Variants in SMYD3 observed in about 807,000 individuals in gnomAD.
SMYD3 encodes the protein SET and MYND domain containing 3.
In SMYD3, 36 loss-of-function variants were observed where a neutral mutation model predicts 57.7. The observed-to-expected ratio is 0.62, with a 90% CI of 0.48 to 0.82. The LOEUF (loss-of-function observed/expected upper bound fraction) is 0.82, where lower values mean the gene tolerates loss of function less well. Among genes scored for constraint, SMYD3 ranks in the 40% least tolerant of loss-of-function variants. The pLI, the probability that SMYD3 is intolerant of heterozygous loss-of-function variation, is 0.00. For missense variants in SMYD3, 515 were observed against 538.8 expected (o/e 0.96, Z 0.44); for synonymous variants, 211 against 195.0 (o/e 1.08, Z -0.68).
At chr1:246,222,619 C>T (rs1424865106) in intron 5 of SMYD3, among the ~76,000 whole-genome samples, 1 of 152,120 alleles carries the variant, frequency 6.6e-6, no homozygotes, top group South Asian at 2.1e-4. Context: ...TTTATGAAAT[C>T]CTCCTTGATA....
chr1:246,458,269 G>A (rs572660050), intron 1 of SMYD3, among the ~76,000 whole-genome samples: 1 of 152,140 alleles, frequency 6.6e-6, no homozygotes, highest in East Asian at 1.9e-4. Context: ...AAGTATTCAG[G>A]TCTTCCATCT....
At chr1:246,282,100 A>G (rs967967376) in intron 5 of SMYD3, among the ~76,000 whole-genome samples, 2 of 152,088 alleles carry the variant, frequency 1.3e-5, no homozygotes, top group African/African-American at 4.8e-5. Context: ...AAATATGTAT[A>G]CTTTACTTAT....
At chr1:246,130,707 T>C (rs2061574237) in intron 5 of SMYD3, among the ~76,000 whole-genome samples, 1 of 152,224 alleles carries the variant, frequency 6.6e-6, no homozygotes, top group Admixed American at 6.5e-5. Flanking sequence ...TCTGACCTTT[T>C]TGTAAGAGAC....
At chr1:246,457,620 A>C (rs1558473820) in intron 1 of SMYD3, among the ~76,000 whole-genome samples, 1 of 152,186 alleles carries the variant, frequency 6.6e-6, no homozygotes, top group Non-Finnish European at 1.5e-5. Context: ...CATGGCCTAT[A>C]CAGCCTTTCT....
intron 5 of SMYD3, among the ~76,000 whole-genome samples, chr1:245,934,848 G>A (rs993499806): frequency 9.2e-5 from 14 of 152,178 alleles, no homozygotes; most frequent in African/African-American, 3.4e-4. Flanking sequence ...TTTTACCAGG[G>A]AGCATGCTGT....
chr1:246,347,089 C>G lies in SMYD3; in HGVS notation c.228+7942G>C, dbSNP rs1161454747. ...GTAGCTGGAGAGAAGAATCTCTGAG[C>G]TGAAATTATCTCAATATGGTAACCA... On this transcript the variant is annotated intron_variant, in intron 2 of 11. Transcript: ENST00000490107. 2.0e-5 allele frequency among the ~76,000 whole-genome samples: 3 copies of G among 151,682 alleles called. No individual in the cohort carries two copies. In the East Asian group the frequency reaches 5.8e-4, roughly 29 times the overall value.
chr1:246,439,706 G>A (rs1037298948), intron 1 of SMYD3, among the ~76,000 whole-genome samples: 12 of 152,000 alleles, frequency 7.9e-5, no homozygotes, highest in African/African-American at 2.2e-4. Flanking sequence ...TAAGTACTCT[G>A]GTAGGCGGGG....
At chr1:246,330,066 C>A (rs1464949411) in intron 4 of SMYD3, among the ~76,000 whole-genome samples, 1 of 152,176 alleles carries the variant, frequency 6.6e-6, no homozygotes, top group African/African-American at 2.4e-5. Context: ...TCTGTTCCTT[C>A]TACCTTCCTT....
chr1:246,254,159 T>A (rs1188627227), intron 5 of SMYD3, among the ~76,000 whole-genome samples: 1 of 152,202 alleles, frequency 6.6e-6, no homozygotes, highest in Non-Finnish European at 1.5e-5. Flanking sequence ...TTTAATTAGG[T>A]CCCACCAGTC....
rs1164274725 is a variant in SMYD3 at position 246,248,808 on chromosome 1, A to ATTT, written c.531+78390_531+78392dup. Among the ~76,000 whole-genome samples, 74 of 90,420 alleles carry ATTT rather than the reference A, an allele frequency of 8.2e-4. 3 individuals carry two copies. The East Asian group carries it at 0.018, about 22-fold the overall frequency. The allele number at this position is 90,420 out of a possible 152,430, so 59.3% of individuals were successfully genotyped here. A position where few individuals can be genotyped will look rare whatever the true frequency, so the allele number is the denominator to read the frequency against. On this transcript the variant is annotated intron_variant, in intron 5 of 11. Coordinates refer to ENST00000490107, the MANE Select transcript of SMYD3 (RefSeq NM_001167740.2). ...AGGCGCCCGCCACCATGCCCGGCTA[A>ATTT]TTTTTTTTTTTTTTTTTTTTTGTAT...
intron 1 of SMYD3, 59 bp downstream of exon 1, chr1:246,506,995 C>CCCCCCCCCCCCA: frequency 1.2e-6 from 1 of 825,152 alleles, no homozygotes; most frequent in Non-Finnish European, 1.6e-6. Context: ...CGACGCCCCC[C>CCCCCCCCCCCCA]CCTCCCCAGC....
intron 5 of SMYD3, among the ~76,000 whole-genome samples, chr1:246,292,265 T>G (rs1428214812): frequency 6.6e-6 from 1 of 151,832 alleles, no homozygotes; most frequent in Non-Finnish European, 1.5e-5. Flanking sequence ...GCCTTAGACT[T>G]ACTATCCAAC....
Position 246,507,258 on chromosome 1 carries a change from A to G in SMYD3, c.-41T>C. 2 of 1,456,490 alleles carry G rather than the reference A, an allele frequency of 1.4e-6. No homozygotes were observed. Among genetic ancestry groups the G allele is most frequent in the East Asian group, 2.9e-5 (1 of 34,232 alleles). 90.2% of individuals were successfully genotyped at this position (1,456,490 alleles called of 1,614,324 possible). ...GCACCTCAGACGGCTACCCGCGTCC[A>G]GCAGCGGGCGTCTCACGGGCTGCCG... On this transcript the variant is annotated 5_prime_UTR_variant, in exon 1 of 12. Coordinates refer to ENST00000490107, the MANE Select transcript of SMYD3 (RefSeq NM_001167740.2).
At chr1:246,294,969 C>T (rs2064764986) in intron 5 of SMYD3, among the ~76,000 whole-genome samples, 3 of 152,120 alleles carry the variant, frequency 2.0e-5, no homozygotes, top group Admixed American at 1.3e-4. Flanking sequence ...TACAGGGTTA[C>T]TGTGGAGGTT....
chr1:246,344,211 T>C (rs2065676241), intron 2 of SMYD3, among the ~76,000 whole-genome samples: 2 of 152,106 alleles, frequency 1.3e-5, no homozygotes, highest in Admixed American at 6.6e-5. Flanking sequence ...TATATCTCCA[T>C]ATAACCAACA....
At chr1:245,914,169 T>C (rs1366513892) in intron 8 of SMYD3, among the ~76,000 whole-genome samples, 1 of 152,192 alleles carries the variant, frequency 6.6e-6, no homozygotes, top group East Asian at 1.9e-4. Flanking sequence ...GCAATAACTT[T>C]TGCACCCACC....
Position 245,929,474 on chromosome 1 carries a change from C to A in SMYD3, c.599+396G>T, listed in dbSNP as rs575444702. Among the ~76,000 whole-genome samples, 24 of 152,244 alleles carry A rather than the reference C, an allele frequency of 1.6e-4. No individual in the cohort carries two copies. In the East Asian group the frequency reaches 4.3e-3, roughly 27 times the overall value. On this transcript the variant is annotated intron_variant, in intron 6 of 11. Coordinates refer to ENST00000490107, the MANE Select transcript of SMYD3 (RefSeq NM_001167740.2). ...CTTGAGTGAAAGGGCTCAGAGTGTG[C>A]CAACTCGAAAGACAACATGAACCCA...
rs538220674 is a variant in SMYD3, at chr1:246,101,064, G to GTTTTTTTTTTT, written c.532-171128_532-171127insAAAAAAAAAAA. Among the ~76,000 whole-genome samples the GTTTTTTTTTTT allele has an allele frequency of 2.5e-5, 2 of 78,564 alleles. 1 individual carries two copies. Among genetic ancestry groups the GTTTTTTTTTTT allele is most frequent in the Non-Finnish European group, 6.1e-5 (2 of 32,616 alleles). 51.5% of individuals were successfully genotyped at this position (78,564 alleles called of 152,430 possible). A position where few individuals can be genotyped will look rare whatever the true frequency, so the allele number is the denominator to read the frequency against. On this transcript the variant is annotated intron_variant, in intron 5 of 11. Coordinates refer to ENST00000490107, the MANE Select transcript of SMYD3 (RefSeq NM_001167740.2). Reference sequence around the variant, plus strand: ...TCACTAGTAATATGTATTTTTAGGGGTTTTTTGTTTTTTTTTTTTTTTTTT... The same window carrying GTTTTTTTTTTT: ...TCACTAGTAATATGTATTTTTAGGGGTTTTTTTTTTTTTTTTTGTTTTTTTTTTTTTTTTTT...
At chr1:246,229,779 C>G (rs561284192) in intron 5 of SMYD3, among the ~76,000 whole-genome samples, 1 of 152,298 alleles carries the variant, frequency 6.6e-6, no homozygotes, top group East Asian at 1.9e-4. Context: ...TTAAAGTTTC[C>G]ACCTGTTAAT....
Sources: gnomAD v4.1 joint callset for allele counts (sites outside exome capture counted in the v4.1 genomes callset) on GRCh38, gnomAD v4.1.1 for gene constraint, MANE v1.5 for transcripts, NCBI Gene and HGNC (gene_info 2026-07-23, HGNC 2026-07-21) for gene names.